The following SCFD2 variants were observed in gnomAD, a reference collection of about 807,000 sequenced individuals.
The protein encoded by SCFD2 is sec1 family domain-containing protein 2.
A neutral mutation model predicts 58.9 loss-of-function variants in SCFD2; 54 were observed. The observed-to-expected ratio is 0.92, with a 90% CI of 0.74 to 1.15. The LOEUF is 1.15. Ranked by LOEUF, SCFD2 falls within the 50% of genes most tolerant of loss-of-function variation. The probability of loss-of-function intolerance (pLI) is 0.00; values close to 1 mark genes in which losing one functional copy is unlikely to be tolerated. For missense variants in SCFD2, 805 were observed against 836.6 expected (o/e 0.96, Z 0.47); for synonymous variants, 321 against 335.9 (o/e 0.96, Z 0.49).
chr4:53,319,875 A>G (rs1732976189), intron 2 of SCFD2, among the ~76,000 whole-genome samples: 1 of 152,180 alleles, frequency 6.6e-6, no homozygotes, highest in Admixed American at 6.5e-5. Flanking sequence ...GACAAAATGA[A>G]ACGAGTTGCC....
chr4:53,248,150 G>A (rs959493882), intron 4 of SCFD2, among the ~76,000 whole-genome samples: 2 of 152,180 alleles, frequency 1.3e-5, no homozygotes, highest in African/African-American at 2.4e-5. Flanking sequence ...CTTGGTCAAG[G>A]AAAGGGGTGA....
At chr4:53,235,502 C>T (rs1729571495) in intron 4 of SCFD2, among the ~76,000 whole-genome samples, 1 of 152,206 alleles carries the variant, frequency 6.6e-6, no homozygotes. Context: ...AAGGTCTCTG[C>T]TCTCACTTAT....
intron 5 of SCFD2, among the ~76,000 whole-genome samples, chr4:53,048,074 C>T (rs959148556): frequency 8.5e-5 from 13 of 152,080 alleles, no homozygotes; most frequent in East Asian, 1.9e-4. Context: ...TTCTAGGCTA[C>T]GCGCAGTTGC....
chr4:53,293,668 A>G (rs1731920523), intron 3 of SCFD2, among the ~76,000 whole-genome samples: 1 of 152,210 alleles, frequency 6.6e-6, no homozygotes, highest in South Asian at 2.1e-4. Context: ...TGCTAACATC[A>G]TAATCAATGG....
At chr4:52,975,533 G>A (rs1721232304) in intron 5 of SCFD2, among the ~76,000 whole-genome samples, 2 of 152,202 alleles carry the variant, frequency 1.3e-5, no homozygotes, top group South Asian at 2.1e-4. Context: ...AGGTGCTGGA[G>A]AGGATGTGGA....
intron 5 of SCFD2, among the ~76,000 whole-genome samples, chr4:53,142,911 CT>C (rs370629066): frequency 5.8e-4 from 89 of 152,150 alleles, no homozygotes; most frequent in African/African-American, 2.1e-3. Flanking sequence ...CTTCTTTACC[CT>C]GTTTAAAGTG....
intron 8 of SCFD2, 32 bp downstream of exon 8, chr4:52,885,715 A>T: frequency 6.2e-7 from 1 of 1,612,278 alleles, no homozygotes; most frequent in Non-Finnish European, 8.5e-7. Flanking sequence ...CCTACTTCTG[A>T]GCTCTTGTTC....
intron 4 of SCFD2, among the ~76,000 whole-genome samples, chr4:53,250,144 T>A (rs1180332672): frequency 6.6e-6 from 1 of 152,160 alleles, no homozygotes; most frequent in Non-Finnish European, 1.5e-5. Flanking sequence ...AGGCAAGGGT[T>A]GCAACCCTAG....
intron 2 of SCFD2, among the ~76,000 whole-genome samples, chr4:53,340,032 G>GTGAA (rs1317566768): frequency 6.6e-6 from 1 of 152,202 alleles, no homozygotes; most frequent in African/African-American, 2.4e-5. Context: ...ACAGTTCCCA[G>GTGAA]TGAGAGCAAC....
At chr4:53,156,863 A>G (rs375270236) in intron 4 of SCFD2, among the ~76,000 whole-genome samples, 2 of 152,370 alleles carry the variant, frequency 1.3e-5, no homozygotes, top group East Asian at 3.9e-4. Context: ...CACTTGTGCA[A>G]TTGTTTTGAG....
At chr4:53,224,670 C>T (rs1229473076) in intron 4 of SCFD2, among the ~76,000 whole-genome samples, 1 of 152,188 alleles carries the variant, frequency 6.6e-6, no homozygotes, top group Non-Finnish European at 1.5e-5. Context: ...TCAGCTCTGC[C>T]TGAATTCCTC....
chr4:53,182,912 C>T (rs535155321), intron 4 of SCFD2, among the ~76,000 whole-genome samples: 4 of 152,138 alleles, frequency 2.6e-5, no homozygotes, highest in Admixed American at 6.6e-5. Flanking sequence ...ATGCTCATCA[C>T]CACTGGCCAT....
chr4:53,209,964 T>C (rs1342326669), intron 4 of SCFD2, among the ~76,000 whole-genome samples: 1 of 152,146 alleles, frequency 6.6e-6, no homozygotes, highest in African/African-American at 2.4e-5. Flanking sequence ...TGTATGAATC[T>C]TTCTATGATT....
intron 5 of SCFD2, among the ~76,000 whole-genome samples, chr4:53,080,576 T>C (rs1423469237): frequency 1.3e-5 from 2 of 152,180 alleles, no homozygotes; most frequent in East Asian, 1.9e-4. Flanking sequence ...AAGGGTTTGA[T>C]AAGCAGGGAG....
At chr4:53,172,059 G>A (rs1271435174) in intron 4 of SCFD2, among the ~76,000 whole-genome samples, 1 of 151,404 alleles carries the variant, frequency 6.6e-6, no homozygotes, top group African/African-American at 2.4e-5. Context: ...AGGCTGGAGT[G>A]CAGTGGTGTG....
chr4:53,221,097 T>C (rs367818012), intron 4 of SCFD2, among the ~76,000 whole-genome samples: 5 of 152,178 alleles, frequency 3.3e-5, no homozygotes, highest in Non-Finnish European at 5.9e-5. Flanking sequence ...GTACCCACAA[T>C]TGGCCAGGCA....
rs192190949 is a variant in SCFD2, at chr4:53,173,351, C to A, written c.1312-27769G>T. On this transcript the variant is annotated intron_variant, in intron 4 of 8. Coordinates refer to ENST00000401642, the MANE Select transcript of SCFD2 (RefSeq NM_152540.4). ...CATTGCTTTTGCACCCTGATAAAGT[C>A]AAAAAATCATAAGTCAATCAAAAGT... Among the ~76,000 whole-genome samples the A allele has an allele frequency of 7.2e-5, 11 of 152,172 alleles. No homozygotes were observed. The East Asian group carries it at 2.1e-3, about 29-fold the overall frequency.
intron 5 of SCFD2, among the ~76,000 whole-genome samples, chr4:53,125,654 A>C (rs1725605229): frequency 6.6e-6 from 1 of 152,206 alleles, no homozygotes; most frequent in African/African-American, 2.4e-5. Context: ...ACATGCAGGG[A>C]AACAGATACC....
intron 5 of SCFD2, among the ~76,000 whole-genome samples, chr4:52,992,630 T>C (rs1189707021): frequency 6.7e-6 from 1 of 148,992 alleles, no homozygotes; most frequent in Non-Finnish European, 1.5e-5. Context: ...GGAGTGCCTC[T>C]GCCCCGCCAC....
Sources: allele counts gnomAD v4.1 joint callset (sites outside exome capture counted in the v4.1 genomes callset), GRCh38; gene constraint gnomAD v4.1.1; transcripts MANE v1.5; gene names NCBI Gene and HGNC (gene_info 2026-07-23, HGNC 2026-07-21).